REEP1: variants seen among roughly 807,000 people sequenced by gnomAD.
REEP1 encodes the protein receptor accessory protein 1.
REEP1 carries 22 observed loss-of-function variants against 40.3 expected under a neutral mutation model. The observed-to-expected ratio is 0.55, with a 90% CI of 0.39 to 0.78. REEP1 has a LOEUF of 0.78. REEP1 is among the 30% of genes least tolerant of loss of function. The probability of loss-of-function intolerance (pLI) is 0.00; values close to 1 mark genes in which losing one functional copy is unlikely to be tolerated. For synonymous variants in REEP1, 116 were observed against 139.2 expected, an observed-to-expected ratio of 0.83 and a Z score of 1.17; for missense variants, 280 against 361.1, an observed-to-expected ratio of 0.78 and a Z score of 1.82.
intron 3 of REEP1, among the ~76,000 whole-genome samples, chr2:86,263,438 C>CA (rs1426881088): frequency 1.3e-5 from 2 of 152,078 alleles, no homozygotes; most frequent in African/African-American, 4.8e-5. Flanking sequence ...GGGGTTTCGC[C>CA]ATGTTAGCCA....
chr2:86,282,279 C>A lies in REEP1; in HGVS notation c.33-37G>T, dbSNP rs1574077653. ...AGAGACAAAAATAAATACGATTTTT[C>A]ATTTATCTTATTTAATGGAAAATGT... is the stretch of plus-strand genomic sequence containing the variant. On this transcript the variant is annotated intron_variant, in intron 1 of 8. Transcript: ENST00000538924. 4.2e-6 allele frequency: 6 copies of A among 1,433,642 alleles called. No individual in the cohort carries two copies. The East Asian group carries it at 1.4e-4, about 33-fold the overall frequency. 88.8% of individuals were successfully genotyped at this position (1,433,642 alleles called of 1,614,324 possible). A position where few individuals can be genotyped will look rare whatever the true frequency, so the allele number is the denominator to read the frequency against.
At chr2:86,277,889 A>G (rs1303198924) in intron 2 of REEP1, among the ~76,000 whole-genome samples, 1 of 152,242 alleles carries the variant, frequency 6.6e-6, no homozygotes, top group Admixed American at 6.5e-5. Flanking sequence ...ATTGCAATGC[A>G]TATAGTTTCA....
intron 1 of REEP1, among the ~76,000 whole-genome samples, chr2:86,294,980 C>A (rs1212917560): frequency 1.3e-5 from 2 of 151,856 alleles, no homozygotes; most frequent in African/African-American, 4.8e-5. Context: ...TTGTGTGAAA[C>A]AAAGGATGTT....
chr2:86,293,672 C>T (rs1253070373), intron 1 of REEP1, among the ~76,000 whole-genome samples: 1 of 152,134 alleles, frequency 6.6e-6, no homozygotes, highest in Non-Finnish European at 1.5e-5. Flanking sequence ...TTTTTCCAGC[C>T]CCCTCACTCA....
intron 2 of REEP1, among the ~76,000 whole-genome samples, chr2:86,276,880 A>C (rs1258445110): frequency 1.3e-5 from 2 of 152,198 alleles, no homozygotes; most frequent in Non-Finnish European, 2.9e-5. Context: ...GCTTTTAAGG[A>C]GATCCCCTGT....
chr2:86,221,234 T>G (rs1185249543), intron 7 of REEP1, among the ~76,000 whole-genome samples: 1 of 152,110 alleles, frequency 6.6e-6, no homozygotes, highest in Non-Finnish European at 1.5e-5. Flanking sequence ...AACCCTAATC[T>G]TGGGCAGCTT....
chr2:86,288,949 T>G (rs925155353), intron 1 of REEP1, among the ~76,000 whole-genome samples: 9 of 152,210 alleles, frequency 5.9e-5, no homozygotes, highest in Non-Finnish European at 1.0e-4. Flanking sequence ...TATCTTGTTC[T>G]TAGTGATTTT....
chr2:86,337,415 C>T lies in REEP1; in HGVS notation c.32+64G>A. 8.9e-7 allele frequency: 1 copy of T among 1,127,156 alleles called. No individual in the cohort carries two copies. 69.8% of individuals were successfully genotyped at this position (1,127,156 alleles called of 1,614,324 possible). ...TGGGACCGGGCGCTGTAGGGGCGCG[C>T]GCAGCCCGGGGCCGGGGGCGGGGAG... On this transcript the variant is annotated intron_variant, in intron 1 of 8. Transcript: ENST00000538924. The surrounding 1 kb of genome is among the most constrained non-coding windows in gnomAD (Gnocchi z 5.8).
At chr2:86,233,054 A>G (rs1006765877) in intron 5 of REEP1, among the ~76,000 whole-genome samples, 3 of 152,174 alleles carry the variant, frequency 2.0e-5, no homozygotes, top group African/African-American at 7.2e-5. Context: ...AGACACCACT[A>G]TGATGATACG....
chr2:86,318,223 T>A (rs79346078), intron 1 of REEP1, among the ~76,000 whole-genome samples: 5,218 of 152,058 alleles, frequency 0.034, 296 homozygotes, highest in African/African-American at 0.12. Context: ...ATGTTAAAAA[T>A]CATACAGAAA....
chr2:86,316,998 G>A (rs1680045142), intron 1 of REEP1, among the ~76,000 whole-genome samples: 1 of 152,184 alleles, frequency 6.6e-6, no homozygotes, highest in Non-Finnish European at 1.5e-5. Context: ...AAGTGGTTGA[G>A]TTTGCCATCA....
intron 1 of REEP1, among the ~76,000 whole-genome samples, chr2:86,328,427 A>G (rs1680610764): frequency 6.6e-6 from 1 of 152,226 alleles, no homozygotes; most frequent in South Asian, 2.1e-4. Context: ...CATGCCTGTA[A>G]TTCCAGCACT....
intron 5 of REEP1, among the ~76,000 whole-genome samples, chr2:86,248,187 C>T (rs1207798396): frequency 6.6e-6 from 1 of 152,148 alleles, no homozygotes; most frequent in Non-Finnish European, 1.5e-5. Flanking sequence ...TAATTCCAGC[C>T]CAGTGTGCTG....
chr2:86,255,225 A>G (rs1038526966), intron 3 of REEP1, among the ~76,000 whole-genome samples: 5 of 151,846 alleles, frequency 3.3e-5, no homozygotes, highest in African/African-American at 1.2e-4. Context: ...ACTCACATCC[A>G]AGAAGGGACA....
chr2:86,283,466 G>A (rs758914147), intron 1 of REEP1, among the ~76,000 whole-genome samples: 1 of 152,140 alleles, frequency 6.6e-6, no homozygotes, highest in Non-Finnish European at 1.5e-5. Flanking sequence ...CAAAGAGCCA[G>A]CCTAGTTACA....
chr2:86,231,173 G>A (rs1441565626), intron 6 of REEP1, among the ~76,000 whole-genome samples: 1 of 152,152 alleles, frequency 6.6e-6, no homozygotes, highest in Non-Finnish European at 1.5e-5. Context: ...TAAAATCACT[G>A]GGTTTGACTG....
rs540280354 is a variant in REEP1 at position 86,331,148 on chromosome 2, G to A, written c.32+6331C>T. 1.1e-4 allele frequency among the ~76,000 whole-genome samples: 16 copies of A among 152,224 alleles called. No individual in the cohort carries two copies. The East Asian group carries it at 1.3e-3, about 13-fold the overall frequency. ...ACTTTTACTTATGGACTTTCTCCACGTATGCCAGGGGCTTTAGATGCCTCA... is the reference window on the plus strand; with the variant it reads ...ACTTTTACTTATGGACTTTCTCCACATATGCCAGGGGCTTTAGATGCCTCA... On this transcript the variant is annotated intron_variant, in intron 1 of 8. Transcript: ENST00000538924.
chr2:86,263,995 G>A lies in REEP1; in HGVS notation c.152C>T (p.Ala51Val). The A allele has an allele frequency of 6.2e-7, 1 of 1,613,502 alleles. No homozygotes were observed. ...YWIIFALFTTAETFTDIFLCW... is the reference protein window; with the variant it reads ...YWIIFALFTTVETFTDIFLCW... ...AAGGAAGATGTCTGTGAATGTCTCTGCTGTGGTGAAAAGTGCAAATATAAT... is the reference window on the plus strand; with the variant it reads ...AAGGAAGATGTCTGTGAATGTCTCTACTGTGGTGAAAAGTGCAAATATAAT... The change falls in exon 3 of 9, where the codon GCA becomes GTA. Residue 51 changes from alanine to valine, a missense_variant. By Grantham distance (64) the Ala-to-Val change is moderately conservative. Coordinates refer to ENST00000538924, the MANE Select transcript of REEP1 (RefSeq NM_001371279.1).
chr2:86,328,793 G>A (rs541696581), intron 1 of REEP1, among the ~76,000 whole-genome samples: 2 of 152,352 alleles, frequency 1.3e-5, no homozygotes, highest in South Asian at 4.1e-4. Flanking sequence ...TTGCAGGAGG[G>A]GAAGCATGCA....
Sources: allele counts gnomAD v4.1 joint callset (sites outside exome capture counted in the v4.1 genomes callset), GRCh38; gene constraint gnomAD v4.1.1; non-coding constraint Gnocchi (gnomAD v3.1); transcripts MANE v1.5; gene names NCBI Gene and HGNC (gene_info 2026-07-23, HGNC 2026-07-21).